GPHN: variants seen among roughly 807,000 people sequenced by gnomAD.
The protein encoded by GPHN is gephyrin.
GPHN carries 17 observed loss-of-function variants against 95.5 expected under a neutral mutation model. The observed-to-expected ratio is 0.18, with a 90% confidence interval of 0.12 to 0.27. The LOEUF (loss-of-function observed/expected upper bound fraction) is 0.27, where lower values mean the gene tolerates loss of function less well. GPHN is among the 10% of genes least tolerant of loss of function. The pLI is 1.00. For missense variants in GPHN, 660 were observed against 978.1 expected, an observed-to-expected ratio of 0.67 and a Z score of 4.34; for synonymous variants, 320 against 322.5, an observed-to-expected ratio of 0.99 and a Z score of 0.08.
intron 1 of GPHN, among the ~76,000 whole-genome samples, chr14:66,556,183 A>G (rs2060001169): frequency 1.3e-5 from 2 of 152,170 alleles, no homozygotes; most frequent in African/African-American, 2.4e-5. Context: ...GTGGTCCATC[A>G]TTGACCAATA....
intron 4 of GPHN, among the ~76,000 whole-genome samples, chr14:66,868,275 C>G (rs1198112566): frequency 6.6e-6 from 1 of 152,114 alleles, no homozygotes; most frequent in Non-Finnish European, 1.5e-5. Flanking sequence ...ATAAATTTGT[C>G]TGCTCTGTTA....
chr14:67,564,020 G>T, the GPHN span, among the ~76,000 whole-genome samples: 1 of 151,750 alleles, frequency 6.6e-6, no homozygotes, highest in Admixed American at 6.6e-5. Flanking sequence ...TCCTGCCTCA[G>T]CCTCCCAAGT....
At chr14:67,209,963 G>A in the GPHN span, among the ~76,000 whole-genome samples, 1 of 151,960 alleles carries the variant, frequency 6.6e-6, no homozygotes, top group South Asian at 2.1e-4. Flanking sequence ...AACTACTTGA[G>A]AAGGAATCAA....
chr14:67,283,401 G>C, the GPHN span, among the ~76,000 whole-genome samples: 1 of 152,096 alleles, frequency 6.6e-6, no homozygotes, highest in Non-Finnish European at 1.5e-5. Context: ...CTGGAATTTT[G>C]TGTGATTGTA....
intron 1 of GPHN, among the ~76,000 whole-genome samples, chr14:66,656,310 TGA>T (rs1595427827): frequency 8.2e-3 from 1 of 122 alleles, no homozygotes; most frequent in East Asian, 0.083. Context: ...TCACATTGGG[TGA>T]GTATTTGGTA....
At chr14:67,486,980 GGT>G in the GPHN span, 1 of 152,152 alleles carries the variant, frequency 6.6e-6, no homozygotes, top group Non-Finnish European at 1.5e-5. Context: ...TGATCCCCTG[GGT>G]GCTTGTAACA....
At chr14:66,586,495 C>T (rs368658295) in intron 1 of GPHN, among the ~76,000 whole-genome samples, 1 of 152,168 alleles carries the variant, frequency 6.6e-6, no homozygotes, top group Non-Finnish European at 1.5e-5. Flanking sequence ...ATGGTCTTTA[C>T]AGTTTGGCAT....
chr14:66,971,244 C>G (rs1175594913), intron 9 of GPHN, among the ~76,000 whole-genome samples: 1 of 152,178 alleles, frequency 6.6e-6, no homozygotes, highest in Non-Finnish European at 1.5e-5. Flanking sequence ...AGGAGATTCG[C>G]TTGAACACGG....
chr14:66,954,977 A>T (rs965647848), intron 8 of GPHN, among the ~76,000 whole-genome samples: 1 of 152,078 alleles, frequency 6.6e-6, no homozygotes, highest in African/African-American at 2.4e-5. Context: ...TTTGGTCTTG[A>T]TGTATAATTG....
At chr14:67,088,211 G>T (rs533191597) in intron 11 of GPHN, among the ~76,000 whole-genome samples, 3 of 151,980 alleles carry the variant, frequency 2.0e-5, no homozygotes, top group Admixed American at 1.3e-4. Context: ...ATTAAAAAAT[G>T]ATGCATTCAT....
chr14:67,555,997 A>G, the GPHN span: 15 of 1,376,232 alleles, frequency 1.1e-5, no homozygotes. Context: ...GTACTGTGTT[A>G]TACCTGAACA....
chr14:67,642,126 C>A, the GPHN span: 2 of 1,509,102 alleles, frequency 1.3e-6, no homozygotes, highest in Non-Finnish European at 1.8e-6. Context: ...GTGGCCCAGG[C>A]TAGTTAAGAG....
chr14:66,974,448 A>G (rs1308253179), intron 9 of GPHN, among the ~76,000 whole-genome samples: 1 of 152,074 alleles, frequency 6.6e-6, no homozygotes, highest in Non-Finnish European at 1.5e-5. Flanking sequence ...TAATGGTCAC[A>G]GAGCTATGTT....
At chr14:66,965,359 C>T in intron 9 of GPHN, 34 bp downstream of exon 9, 2 of 1,597,998 alleles carry the variant, frequency 1.3e-6, no homozygotes, top group Non-Finnish European at 1.7e-6. Context: ...TACACCTGCT[C>T]TTCTATAGTA....
chr14:66,638,224 G>A (rs780927081), intron 1 of GPHN, among the ~76,000 whole-genome samples: 6 of 151,940 alleles, frequency 3.9e-5, no homozygotes, highest in Non-Finnish European at 8.8e-5. Context: ...ACTTGAGATC[G>A]GGAGTTCGAG....
chr14:67,689,743 A>C, the GPHN span, among the ~76,000 whole-genome samples: 11 of 152,180 alleles, frequency 7.2e-5, no homozygotes, highest in African/African-American at 2.4e-4. Context: ...CACGAGTTCA[A>C]GACCACCCTG....
the GPHN span, among the ~76,000 whole-genome samples, chr14:67,369,861 G>GTCTCT: frequency 6.6e-6 from 1 of 152,134 alleles, no homozygotes; most frequent in Non-Finnish European, 1.5e-5. Context: ...AGCTCTGTTG[G>GTCTCT]GGAGACCCTA....
At chr14:67,379,237 T>C in the GPHN span, among the ~76,000 whole-genome samples, 1 of 152,222 alleles carries the variant, frequency 6.6e-6, no homozygotes, top group South Asian at 2.1e-4. Flanking sequence ...AGTGGAATTG[T>C]TGGGTCATAG....
intron 10 of GPHN, among the ~76,000 whole-genome samples, chr14:67,030,326 T>C (rs781114016): frequency 6.6e-6 from 1 of 152,198 alleles, no homozygotes; most frequent in Non-Finnish European, 1.5e-5. Context: ...TTAGTGTTTA[T>C]TATTCCTCAT....
Sources: gnomAD v4.1 joint callset for allele counts (sites outside exome capture counted in the v4.1 genomes callset) on GRCh38, gnomAD v4.1.1 for gene constraint, MANE v1.5 for transcripts, NCBI Gene and HGNC (gene_info 2026-07-23, HGNC 2026-07-21) for gene names.